TENT4A: variants seen among roughly 807,000 people sequenced by gnomAD.
TENT4A encodes the protein terminal nucleotidyltransferase 4A.
TENT4A carries 7 observed loss-of-function variants against 72.8 expected under a neutral mutation model. That is an observed-to-expected ratio of 0.10 (90% CI 0.05 to 0.18). The LOEUF is 0.18. Ranked by LOEUF, TENT4A falls within the 10% of genes least tolerant of loss-of-function variation. TENT4A has a pLI of 1.00. For synonymous variants in TENT4A, 456 were observed against 434.3 expected, an observed-to-expected ratio of 1.05 and a Z score of -0.62; for missense variants, 831 against 1,017.7, an observed-to-expected ratio of 0.82 and a Z score of 2.50.
At chr5:6,725,402 G>A (rs1398238586) in intron 1 of TENT4A, among the ~76,000 whole-genome samples, 1 of 152,218 alleles carries the variant, frequency 6.6e-6, no homozygotes, top group East Asian at 1.9e-4. Context: ...TGCCGATGCT[G>A]TCTGAGGGCC....
intron 1 of TENT4A, among the ~76,000 whole-genome samples, chr5:6,728,253 A>G (rs1172250690): frequency 6.6e-6 from 1 of 152,204 alleles, no homozygotes; most frequent in Non-Finnish European, 1.5e-5. Context: ...GTCTGGTCAC[A>G]GCAGGAAGAT....
rs139709263 is a variant in TENT4A, at chr5:6,719,166, T to C, written c.716+4467T>C. ...TATTTTAAAGTAAAAAGTTCTAAGATTTGTGTCTCAAGGTAAAGTCTCAAA... is the reference window on the plus strand; with the variant it reads ...TATTTTAAAGTAAAAAGTTCTAAGACTTGTGTCTCAAGGTAAAGTCTCAAA... On this transcript the variant is annotated intron_variant, in intron 1 of 12. Coordinates refer to ENST00000230859, the MANE Select transcript of TENT4A (RefSeq NM_006999.6). Among the ~76,000 whole-genome samples the C allele has an allele frequency of 5.3e-5, 8 of 152,334 alleles. No individual in the cohort carries two copies. The East Asian group carries it at 1.5e-3, about 29-fold the overall frequency.
Position 6,749,474 on chromosome 5 carries a change from G to A in TENT4A, c.1587-83G>A, listed in dbSNP as rs922148223. 4 of 807,168 alleles carry A rather than the reference G, an allele frequency of 5.0e-6. No individual in the cohort carries two copies. The African/African-American group carries it at 5.0e-5, about 10-fold the overall frequency. The allele number at this position is 807,168 out of a possible 1,614,324, so 50.0% of individuals were successfully genotyped here. A position where few individuals can be genotyped will look rare whatever the true frequency, so the allele number is the denominator to read the frequency against. On this transcript the variant is annotated intron_variant, in intron 8 of 12. Transcript: ENST00000230859. ...CACCTAGCGAGATGATCTGTTAGGG[G>A]TATAAGGTAGCTGTTCGAGAGGGGT...
At chr5:6,732,010 T>C (rs1034972370) in intron 1 of TENT4A, among the ~76,000 whole-genome samples, 1 of 152,256 alleles carries the variant, frequency 6.6e-6, no homozygotes, top group Non-Finnish European at 1.5e-5. Flanking sequence ...TTTTGCCCTT[T>C]AGTTCCTTTG....
At position 6,717,566 on chromosome 5, in the gene TENT4A, G is replaced by A. The variant is rs143200496; in HGVS notation, c.716+2867G>A. Among the ~76,000 whole-genome samples the A allele has an allele frequency of 7.9e-5, 12 of 152,352 alleles. No homozygotes were observed. The East Asian group carries it at 2.3e-3, about 29-fold the overall frequency. On this transcript the variant is annotated intron_variant, in intron 1 of 12. Transcript: ENST00000230859. ...GATGAAGAAAAAGCAGGTGAAAGAGGACAGGGATTGGTGCAAGAACCTTCA... is the reference window on the plus strand; with the variant it reads ...GATGAAGAAAAAGCAGGTGAAAGAGAACAGGGATTGGTGCAAGAACCTTCA...
At chr5:6,725,870 A>G (rs1249001112) in intron 1 of TENT4A, among the ~76,000 whole-genome samples, 2 of 152,190 alleles carry the variant, frequency 1.3e-5, no homozygotes, top group Non-Finnish European at 2.9e-5. Flanking sequence ...ATTTTGCTTG[A>G]AAGGGAAAGG....
Position 6,755,195 on chromosome 5 carries a change from C to G in TENT4A, c.*250C>G. On this transcript the variant is annotated 3_prime_UTR_variant, in exon 13 of 13. Transcript: ENST00000230859. Reference sequence around the variant, plus strand: ...CCTTCCCAGGATTCTTCCTTCAGTGCTGAGGCAGGTCGGGCTCAGGAACTG... The same window carrying G: ...CCTTCCCAGGATTCTTCCTTCAGTGGTGAGGCAGGTCGGGCTCAGGAACTG... 2.6e-6 allele frequency: 1 copy of G among 385,048 alleles called. No homozygotes were observed. Among genetic ancestry groups the G allele is most frequent in the Non-Finnish European group, 4.7e-6 (1 of 214,752 alleles). The allele number at this position is 385,048 out of a possible 1,614,324, so 23.9% of individuals were successfully genotyped here.
chr5:6,732,651 C>A (rs1414197129), intron 1 of TENT4A, among the ~76,000 whole-genome samples: 1 of 152,178 alleles, frequency 6.6e-6, no homozygotes, highest in Admixed American at 6.5e-5. Flanking sequence ...GAACTTTATT[C>A]TCTAATTTTT....
Position 6,748,490 on chromosome 5 carries a change from G to A in TENT4A, c.1486G>A (p.Gly496Ser). ...GAATGACGTTGGCCGGAGCTCCTATGGCGCCATGCAGGTGAAGCAGGTCTT... is the reference window on the plus strand; with the variant it reads ...GAATGACGTTGGCCGGAGCTCCTATAGCGCCATGCAGGTGAAGCAGGTCTT... ...PGNDVGRSSY[G>S]AMQVKQVFDY... Residue 496 changes from glycine (G) to serine (S), a missense_variant, in exon 8 of 13, where the codon GGC becomes AGC. Coordinates refer to ENST00000230859, the MANE Select transcript of TENT4A (RefSeq NM_006999.6). 6.2e-7 allele frequency: 1 copy of A among 1,614,146 alleles called. No homozygotes were observed. Among genetic ancestry groups the A allele is most frequent in the South Asian group, 1.1e-5 (1 of 91,088 alleles).
chr5:6,751,075 T>A lies in TENT4A; in HGVS notation c.1897T>A (p.Tyr633Asn). Residue 633 changes from tyrosine to asparagine, a missense_variant, in exon 11 of 13, where the codon TAC (tyrosine) becomes AAC (asparagine). This residue lies in a region of TENT4A where 332 missense variants were observed against 324.3 expected (regional missense o/e 1.02). Transcript: ENST00000230859. Reference protein sequence around the residue: ...DTPPCTTPSVYQFSLQAPAPL... With the variant: ...DTPPCTTPSVNQFSLQAPAPL... ...ACCGCCCTGCACAACGCCCAGTGTT[T>A]ACCAGTTCAGTCTGCAAGCGCCAGC... 1.2e-6 allele frequency: 2 copies of A among 1,614,212 alleles called. No homozygotes were observed.
chr5:6,739,933 G>A (rs1741711910), intron 4 of TENT4A, 81 bp downstream of exon 4: 5 of 1,378,016 alleles, frequency 3.6e-6, no homozygotes, highest in Non-Finnish European at 5.1e-6. Context: ...CCTGCGTCAC[G>A]AGCTTGTGGT....
chr5:6,733,017 G>C (rs369559056), intron 1 of TENT4A, among the ~76,000 whole-genome samples: 4 of 152,210 alleles, frequency 2.6e-5, no homozygotes, highest in Non-Finnish European at 5.9e-5. Context: ...CTCTGCTTCC[G>C]GTTCTGGGGG....
At chr5:6,721,415 A>G (rs1210504494) in intron 1 of TENT4A, among the ~76,000 whole-genome samples, 2 of 152,264 alleles carry the variant, frequency 1.3e-5, no homozygotes, top group Non-Finnish European at 2.9e-5. Context: ...AGCAGAAAAC[A>G]TTCAAGAAAA....
chr5:6,714,132 CGGCGGCCGCGGCGGG>C lies in TENT4A; in HGVS notation c.158_172del (p.Ala53_Ala57del), dbSNP rs923143510. 2.5e-5 allele frequency: 24 copies of C among 978,448 alleles called. No individual in the cohort carries two copies. In the African/African-American group the frequency reaches 3.7e-4, roughly 15 times the overall value. 60.6% of individuals were successfully genotyped at this position (978,448 alleles called of 1,614,324 possible). On this transcript the variant is annotated inframe_deletion, in exon 1 of 13. Coordinates refer to ENST00000230859, the MANE Select transcript of TENT4A (RefSeq NM_006999.6). ...TGCCTCAACTCGCCGGCGCTGGACA[CGGCGGCCGCGGCGGG>C]GGCGGCCGGGCGGGGCAGTGGCGGC...
At chr5:6,729,423 G>A (rs1424475892) in intron 1 of TENT4A, among the ~76,000 whole-genome samples, 1 of 152,344 alleles carries the variant, frequency 6.6e-6, no homozygotes, top group East Asian at 1.9e-4. Flanking sequence ...CTTTCATCCA[G>A]TGTAAGGATA....
intron 1 of TENT4A, among the ~76,000 whole-genome samples, chr5:6,730,468 C>A (rs1167485781): frequency 6.6e-6 from 1 of 152,236 alleles, no homozygotes; most frequent in Non-Finnish European, 1.5e-5. Context: ...CTCACAGCTC[C>A]TGCTCCTCCT....
At chr5:6,750,743 A>G in intron 10 of TENT4A, 2 of 549,882 alleles carry the variant, frequency 3.6e-6, no homozygotes, top group Non-Finnish European at 6.3e-6. Flanking sequence ...AATCCTCTAA[A>G]TGGTTGAACT....
rs28381388 is a variant in TENT4A at position 6,745,276 on chromosome 5, A to G, written c.1246-938A>G. ...GAACTCCGGAATTCTTCTGAACCCT[A>G]AAAACATTTGTATGCTTTCTAGCTG... On this transcript the variant is annotated intron_variant, in intron 6 of 12. Coordinates refer to ENST00000230859, the MANE Select transcript of TENT4A (RefSeq NM_006999.6). Among the ~76,000 whole-genome samples, 8 of 152,310 alleles carry G rather than the reference A, an allele frequency of 5.3e-5. No individual in the cohort carries two copies. In the East Asian group the frequency reaches 1.5e-3, roughly 29 times the overall value.
rs889006469 is a variant in TENT4A at position 6,756,612 on chromosome 5, G to C, written c.*1667G>C. 2 of 152,474 alleles carry C rather than the reference G, an allele frequency of 1.3e-5. No individual in the cohort carries two copies. Among genetic ancestry groups the C allele is most frequent in the Non-Finnish European group, 2.9e-5 (2 of 68,036 alleles). 9.4% of individuals were successfully genotyped at this position (152,474 alleles called of 1,614,324 possible). A position where few individuals can be genotyped will look rare whatever the true frequency, so the allele number is the denominator to read the frequency against. On this transcript the variant is annotated 3_prime_UTR_variant, in exon 13 of 13. Transcript: ENST00000230859. Reference sequence around the variant, plus strand: ...TGCAGGTTCTCTAGGAGGCATTCCAGAATAGAGTAGCACACTGTGTCTGCA... The same window carrying C: ...TGCAGGTTCTCTAGGAGGCATTCCACAATAGAGTAGCACACTGTGTCTGCA...
Sources: gnomAD v4.1 joint callset for allele counts (sites outside exome capture counted in the v4.1 genomes callset) on GRCh38, gnomAD v4.1.1 for gene constraint, gnomAD v4.1.1 regional missense constraint, MANE v1.5 for transcripts, NCBI Gene and HGNC (gene_info 2026-07-23, HGNC 2026-07-21) for gene names.